VEPH1: variants seen among roughly 807,000 people sequenced by gnomAD.
The protein encoded by VEPH1 is ventricular zone-expressed PH domain-containing protein homolog 1.
Under a neutral mutation model 85.2 loss-of-function variants are expected in VEPH1, and 80 were observed. The observed-to-expected ratio is 0.94, with a 90% CI of 0.78 to 1.13. The LOEUF (loss-of-function observed/expected upper bound fraction) is 1.13. Ranked by LOEUF, VEPH1 falls within the 50% of genes most tolerant of loss-of-function variation. The probability of loss-of-function intolerance (pLI) is 0.00; values close to 1 mark genes in which losing one functional copy is unlikely to be tolerated. For synonymous variants in VEPH1, 297 were observed against 348.0 expected (o/e 0.85, Z 1.63); for missense variants, 955 against 980.5 (o/e 0.97, Z 0.35).
In VEPH1 at chr3:157,470,364, C is replaced by T. The variant is rs761906359; in HGVS notation, c.304G>A (p.Asp102Asn). ...GATGCGATTTTTGCATGAGGAGTGT[C>T]TTCGTCTTTCCCAAAGGGTCTCAGG... Reference protein sequence around the residue: ...HNLRPFGKDEDTPHAKIASDI... With the variant: ...HNLRPFGKDENTPHAKIASDI... Residue 102 changes from aspartate to asparagine, a missense_variant, in exon 3 of 14, where the codon GAC becomes AAC. Coordinates refer to ENST00000362010, the MANE Select transcript of VEPH1 (RefSeq NM_001167912.2). 4 of 1,613,944 alleles carry T rather than the reference C, an allele frequency of 2.5e-6. No homozygotes were observed. The East Asian group carries it at 6.7e-5, about 27-fold the overall frequency.
rs551556486 is a variant in VEPH1, at chr3:157,268,094, T to C, written c.2129-2432A>G. On this transcript the variant is annotated intron_variant, in intron 12 of 13. Coordinates refer to ENST00000362010, the MANE Select transcript of VEPH1 (RefSeq NM_001167912.2). ...ATTTCAGAGTTCTGCTTTGCTTTGA[T>C]AGGAATTGTCTGATGTGGAGCATTC... Among the ~76,000 whole-genome samples, 9 of 152,356 alleles carry C rather than the reference T, an allele frequency of 5.9e-5. No individual in the cohort carries two copies. The South Asian group carries it at 1.9e-3, about 32-fold the overall frequency.
rs1288887134 is a variant in VEPH1 at position 157,413,890 on chromosome 3, A to G, written c.897T>C (p.His299=). The change falls in exon 6 of 14, where the codon CAT becomes CAC. Residue 299 remains histidine, a synonymous_variant. Transcript: ENST00000362010. The part of the protein sequence containing the change: ...QMARIYGAVG[H]VDEERARSCL... ...AAAAAGCCAAACTTACTTCATCCAC[A>G]TGCCCAACAGCTCCATAAATCCTTG... 6.2e-7 allele frequency: 1 copy of G among 1,613,246 alleles called. No individual in the cohort carries two copies.
intron 6 of VEPH1, among the ~76,000 whole-genome samples, chr3:157,392,868 C>A (rs997403643): frequency 6.6e-6 from 1 of 152,092 alleles, no homozygotes; most frequent in African/African-American, 2.4e-5. Flanking sequence ...TGTATCTCAC[C>A]CTATCCCCTT....
In VEPH1 at chr3:157,273,791, A is replaced by G. The variant is rs534736151; in HGVS notation, c.2129-8129T>C. The stretch of plus-strand genomic sequence containing the variant: ...AGACCTCTTTTATTTCAAGAGCACA[A>G]GAGTTCAATAATTCACTCTCTACCT... On this transcript the variant is annotated intron_variant, in intron 12 of 13. Coordinates refer to ENST00000362010, the MANE Select transcript of VEPH1 (RefSeq NM_001167912.2). Among the ~76,000 whole-genome samples, 17 of 152,364 alleles carry G rather than the reference A, an allele frequency of 1.1e-4. No homozygotes were observed. The South Asian group carries it at 3.5e-3, about 32-fold the overall frequency.
intron 11 of VEPH1, among the ~76,000 whole-genome samples, chr3:157,304,021 T>TTTTG (rs1719152529): frequency 3.6e-5 from 3 of 83,992 alleles, no homozygotes; most frequent in African/African-American, 1.3e-4. Context: ...ATCTTATATT[T>TTTTG]TTTATATATA....
rs1482606494 is a variant in VEPH1, at chr3:157,495,389, A to G, written c.-40T>C. On this transcript the variant is annotated 5_prime_UTR_variant, in exon 2 of 14. Transcript: ENST00000362010. ...TGATCAGTTGACTTTCTACAGACCC[A>G]GAGTCATGTGTTCCAGTTATCAGAG... The G allele has an allele frequency of 2.5e-6, 4 of 1,607,948 alleles. No individual in the cohort carries two copies. The highest frequency in any genetic ancestry group is 1.7e-5 in the Admixed American group (1 of 59,194).
At chr3:157,433,415 T>G (rs1003659164) in intron 4 of VEPH1, among the ~76,000 whole-genome samples, 8 of 152,216 alleles carry the variant, frequency 5.3e-5, no homozygotes, top group Non-Finnish European at 1.0e-4. Context: ...TGCTTTCTAG[T>G]TTGATTATTT....
At chr3:157,430,997 T>C (rs1407535565) in intron 4 of VEPH1, among the ~76,000 whole-genome samples, 2 of 152,180 alleles carry the variant, frequency 1.3e-5, no homozygotes, top group Non-Finnish European at 2.9e-5. Flanking sequence ...GTGATATGCT[T>C]TGGCTCCGTG....
intron 1 of VEPH1, among the ~76,000 whole-genome samples, chr3:157,498,096 G>A (rs1241644397): frequency 1.3e-5 from 2 of 152,184 alleles, no homozygotes; most frequent in Admixed American, 6.5e-5. Flanking sequence ...TAGCTTTATG[G>A]AGGAAATGGT....
At position 157,313,682 on chromosome 3, in the gene VEPH1, T is replaced by A; in HGVS notation, c.1949A>T (p.Gln650Leu). The A allele has an allele frequency of 6.2e-7, 1 of 1,614,192 alleles. No individual in the cohort carries two copies. The highest frequency in any genetic ancestry group is 8.5e-7 in the Non-Finnish European group (1 of 1,180,026). Residue 650 changes from glutamine to leucine, a missense_variant, in exon 11 of 14, where the codon CAG becomes CTG. Physicochemically the swap from Gln to Leu is moderately radical, Grantham distance 113 (BLOSUM62 -2). Coordinates refer to ENST00000362010, the MANE Select transcript of VEPH1 (RefSeq NM_001167912.2). ...QFLRALWEKT[Q>L]AGGAHSFETA... ...TTCAAAGCTGTGAGCACCCCCTGCC[T>A]GGGTCTTCTCCCACAGAGCTCTGAG...
intron 10 of VEPH1, among the ~76,000 whole-genome samples, chr3:157,314,980 G>T (rs1720574127): frequency 6.6e-6 from 1 of 151,542 alleles, no homozygotes; most frequent in African/African-American, 2.4e-5. Flanking sequence ...TCAATTCAAA[G>T]GAACAATTTT....
intron 9 of VEPH1, among the ~76,000 whole-genome samples, chr3:157,319,441 T>C (rs1446974442): frequency 6.6e-6 from 1 of 152,146 alleles, no homozygotes; most frequent in African/African-American, 2.4e-5. Context: ...TGTTTGACAA[T>C]GATATACTTT....
At chr3:157,272,223 G>C (rs1254301708) in intron 12 of VEPH1, among the ~76,000 whole-genome samples, 8 of 134,688 alleles carry the variant, frequency 5.9e-5, no homozygotes, top group Non-Finnish European at 1.0e-4. Flanking sequence ...GTTTTCCTGG[G>C]TGTTTGTCTC....
intron 6 of VEPH1, among the ~76,000 whole-genome samples, chr3:157,410,117 A>G (rs1731421846): frequency 6.6e-6 from 1 of 152,132 alleles, no homozygotes; most frequent in African/African-American, 2.4e-5. Context: ...CCCTAAACCC[A>G]ACAGACAGGA....
intron 5 of VEPH1, among the ~76,000 whole-genome samples, chr3:157,416,818 A>G (rs1731947241): frequency 6.6e-6 from 1 of 152,056 alleles, no homozygotes; most frequent in Non-Finnish European, 1.5e-5. Flanking sequence ...AGGAAAGAGA[A>G]AAAGGAAAGA....
chr3:157,372,097 G>A (rs1247548708), intron 7 of VEPH1, among the ~76,000 whole-genome samples: 2 of 152,152 alleles, frequency 1.3e-5, no homozygotes, highest in African/African-American at 4.8e-5. Flanking sequence ...TTATCGTCTG[G>A]GCACAGGAGC....
intron 8 of VEPH1, among the ~76,000 whole-genome samples, chr3:157,364,015 T>C (rs1039527763): frequency 2.6e-5 from 4 of 152,228 alleles, no homozygotes; most frequent in Non-Finnish European, 5.9e-5. Context: ...TTACATATTT[T>C]TCATCTTTGT....
chr3:157,494,246 G>A (rs1374910062), intron 2 of VEPH1, among the ~76,000 whole-genome samples: 2 of 152,200 alleles, frequency 1.3e-5, no homozygotes, highest in South Asian at 2.1e-4. Flanking sequence ...ACACAGAAGA[G>A]CGCTGTTGTT....
chr3:157,459,718 T>C, intron 4 of VEPH1: 1 of 1,415,658 alleles, frequency 7.1e-7, no homozygotes, highest in Non-Finnish European at 9.2e-7. Flanking sequence ...TTTATGCTTG[T>C]TATCCAAATC....
Sources: allele counts gnomAD v4.1 joint callset (sites outside exome capture counted in the v4.1 genomes callset), GRCh38; gene constraint gnomAD v4.1.1; transcripts MANE v1.5; gene names NCBI Gene and HGNC (gene_info 2026-07-23, HGNC 2026-07-21).